Variants in HCN1 observed in about 807,000 individuals in gnomAD.
HCN1 encodes hyperpolarization activated cyclic nucleotide gated potassium channel 1.
HCN1 carries 13 observed loss-of-function variants against 78.9 expected under a neutral mutation model. That is an observed-to-expected ratio of 0.16 (90% CI 0.11 to 0.26). The LOEUF (loss-of-function observed/expected upper bound fraction) is 0.26. Among genes scored for constraint, HCN1 ranks in the 10% least tolerant of loss-of-function variants. HCN1 has a pLI of 1.00. For missense variants in HCN1, 810 were observed against 1,154.3 expected, an observed-to-expected ratio of 0.70 and a Z score of 4.32; for synonymous variants, 552 against 455.5, an observed-to-expected ratio of 1.21 and a Z score of -2.70.
At chr5:45,415,167 G>C (rs1740095091) in intron 3 of HCN1, among the ~76,000 whole-genome samples, 1 of 151,918 alleles carries the variant, frequency 6.6e-6, no homozygotes, top group African/African-American at 2.4e-5. Flanking sequence ...CTCTGAAATT[G>C]AAAAATATAG....
At chr5:45,266,485 C>T (rs1361167305) in intron 7 of HCN1, among the ~76,000 whole-genome samples, 2 of 152,180 alleles carry the variant, frequency 1.3e-5, no homozygotes, top group South Asian at 2.1e-4. Flanking sequence ...TATTTCAATG[C>T]TATCTAGAAT....
At chr5:45,474,771 A>C (rs1250358467) in intron 2 of HCN1, among the ~76,000 whole-genome samples, 1 of 151,954 alleles carries the variant, frequency 6.6e-6, no homozygotes. Context: ...AATCATTATC[A>C]TCAGTAAAAT....
intron 6 of HCN1, among the ~76,000 whole-genome samples, chr5:45,277,505 T>C (rs935813076): frequency 2.0e-5 from 3 of 152,106 alleles, no homozygotes; most frequent in Admixed American, 2.0e-4. Flanking sequence ...GTGTCTGTCC[T>C]AGGAGTGAAT....
At chr5:45,289,058 T>A (rs1256223012) in intron 6 of HCN1, among the ~76,000 whole-genome samples, 1 of 151,992 alleles carries the variant, frequency 6.6e-6, no homozygotes, top group Non-Finnish European at 1.5e-5. Flanking sequence ...ATAAGCTGTG[T>A]TTTTGGGGGG....
intron 2 of HCN1, among the ~76,000 whole-genome samples, chr5:45,572,327 A>G (rs1387140143): frequency 1.3e-5 from 2 of 152,262 alleles, no homozygotes; most frequent in East Asian, 3.9e-4. Context: ...TTGTCCTTTC[A>G]TGTTCTCCTT....
intron 3 of HCN1, among the ~76,000 whole-genome samples, chr5:45,399,342 T>G (rs1188116824): frequency 6.6e-6 from 1 of 152,256 alleles, no homozygotes; most frequent in African/African-American, 2.4e-5. Context: ...GCTGCCATCC[T>G]GCAGCTCTGC....
rs573050222 is a variant in HCN1 at position 45,695,842 on chromosome 5, G to A, written c.252C>T (p.Ala84=). ...GEEPAGGFED[A]EGPRRQYGFM... is the part of the protein sequence containing the mutation. ...AGCCGTACTGCCGCCGGGGCCCCTC[G>A]GCGTCTTCGAAGCCCCCCGCCGGCT... Residue 84 remains alanine (A), a synonymous_variant, in exon 1 of 8, where the codon GCC becomes GCT. Transcript: ENST00000303230. The A allele has an allele frequency of 1.5e-4, 235 of 1,600,328 alleles. 5 individuals carry two copies. The South Asian group carries it at 2.4e-3, about 17-fold the overall frequency.
At chr5:45,409,625 A>G (rs888554031) in intron 3 of HCN1, among the ~76,000 whole-genome samples, 1 of 151,938 alleles carries the variant, frequency 6.6e-6, no homozygotes, top group Non-Finnish European at 1.5e-5. Flanking sequence ...TTTTTCTTCT[A>G]CCTAGATTTA....
intron 6 of HCN1, among the ~76,000 whole-genome samples, chr5:45,299,221 C>A (rs1579789934): frequency 6.6e-6 from 1 of 152,082 alleles, no homozygotes; most frequent in Admixed American, 6.6e-5. Flanking sequence ...ATGAAAAATG[C>A]ACTTTATTAA....
At chr5:45,373,498 A>T (rs1396289733) in intron 4 of HCN1, among the ~76,000 whole-genome samples, 1 of 140,568 alleles carries the variant, frequency 7.1e-6, no homozygotes, top group Admixed American at 7.8e-5. Context: ...CAATATATAC[A>T]TTATATACAT....
At chr5:45,658,760 GC>G (rs1370907115) in intron 1 of HCN1, among the ~76,000 whole-genome samples, 3 of 151,998 alleles carry the variant, frequency 2.0e-5, no homozygotes, top group Non-Finnish European at 4.4e-5. Context: ...TTAAAAAACG[GC>G]GCACCACGAG....
intron 5 of HCN1, among the ~76,000 whole-genome samples, chr5:45,304,213 C>T (rs1285436396): frequency 6.6e-6 from 1 of 151,842 alleles, no homozygotes; most frequent in Non-Finnish European, 1.5e-5. Flanking sequence ...GAAAGAAAGC[C>T]ATATCACTTC....
Position 45,493,689 on chromosome 5 carries a change from C to T in HCN1, c.850-31682G>A, listed in dbSNP as rs551478576. Among the ~76,000 whole-genome samples, 1,062 of 150,960 alleles carry T rather than the reference C, an allele frequency of 7.0e-3. 13 individuals carry two copies. Among genetic ancestry groups the T allele is most frequent in the African/African-American group, 0.024 (1,002 of 40,956 alleles). ...TATGTATACATGTGCCATGCTGGTGCGCTGCACCCACTAACTCGTCATCTA... is the reference window on the plus strand; with the variant it reads ...TATGTATACATGTGCCATGCTGGTGTGCTGCACCCACTAACTCGTCATCTA... On this transcript the variant is annotated intron_variant, in intron 2 of 7. Transcript: ENST00000303230.
At chr5:45,387,577 A>C (rs1480744441) in intron 4 of HCN1, among the ~76,000 whole-genome samples, 2 of 152,128 alleles carry the variant, frequency 1.3e-5, no homozygotes, top group African/African-American at 4.8e-5. Context: ...TATAAGATGC[A>C]TTCTAGATAA....
intron 2 of HCN1, among the ~76,000 whole-genome samples, chr5:45,545,459 C>A (rs932932452): frequency 1.3e-5 from 2 of 152,104 alleles, no homozygotes; most frequent in Non-Finnish European, 2.9e-5. Flanking sequence ...TAATTAGATC[C>A]CATTTGTCAA....
chr5:45,406,483 G>C (rs977178934), intron 3 of HCN1, among the ~76,000 whole-genome samples: 1 of 152,060 alleles, frequency 6.6e-6, no homozygotes, highest in African/African-American at 2.4e-5. Context: ...AAATGCAAAC[G>C]TTGGAAAAAT....
intron 2 of HCN1, among the ~76,000 whole-genome samples, chr5:45,605,333 AG>A (rs1744702886): frequency 6.6e-6 from 1 of 152,000 alleles, no homozygotes; most frequent in South Asian, 2.1e-4. Flanking sequence ...TTCTCCAAAA[AG>A]AATTGTAAAA....
intron 2 of HCN1, among the ~76,000 whole-genome samples, chr5:45,541,590 A>C (rs1743109205): frequency 6.7e-6 from 1 of 149,710 alleles, no homozygotes; most frequent in Non-Finnish European, 1.5e-5. Flanking sequence ...TAGGAAGAGA[A>C]TTAAGCAATG....
intron 3 of HCN1, among the ~76,000 whole-genome samples, chr5:45,399,803 G>T (rs563739594): frequency 3.9e-5 from 6 of 152,118 alleles, no homozygotes; most frequent in Non-Finnish European, 7.4e-5. Flanking sequence ...TAAAAGTCCT[G>T]CTCATATTAA....
Sources: allele counts gnomAD v4.1 joint callset (sites outside exome capture counted in the v4.1 genomes callset), GRCh38; gene constraint gnomAD v4.1.1; transcripts MANE v1.5; gene names NCBI Gene and HGNC (gene_info 2026-07-23, HGNC 2026-07-21).